The following OR10A2 variants were observed in gnomAD, a reference collection of about 807,000 sequenced individuals.
OR10A2 encodes olfactory receptor 10A2.
In OR10A2, 15 loss-of-function variants were observed where a neutral mutation model predicts 13.7. That is an observed-to-expected ratio of 1.10 (90% CI 0.73 to 1.69). The LOEUF (loss-of-function observed/expected upper bound fraction) is 1.69, where lower values mean the gene tolerates loss of function less well. OR10A2 is among the 40% of genes most tolerant of loss of function. The pLI is 0.00. For synonymous variants in OR10A2, 145 were observed against 144.7 expected, an observed-to-expected ratio of 1.00 and a Z score of -0.02; for missense variants, 343 against 361.1, an observed-to-expected ratio of 0.95 and a Z score of 0.41.
At position 6,871,931 on chromosome 11, in the gene OR10A2, G is replaced by T; in HGVS notation, c.*1265G>T. 1 of 152,062 alleles carries T rather than the reference G, an allele frequency of 6.6e-6. No individual in the cohort carries two copies. Among genetic ancestry groups the T allele is most frequent in the Admixed American group, 6.6e-5 (1 of 15,264 alleles). 9.4% of individuals were successfully genotyped at this position (152,062 alleles called of 1,614,324 possible). ...AAAAGTTAAATACATACATAATGTT[G>T]CTATATATATTGATTGTCTATCTAG... On this transcript the variant is annotated 3_prime_UTR_variant, in exon 2 of 2. Coordinates refer to ENST00000641461, the MANE Select transcript of OR10A2 (RefSeq NM_001004460.2).
At chr11:6,869,405 A>G (rs956777277) in intron 1 of OR10A2, among the ~76,000 whole-genome samples, 1 of 152,184 alleles carries the variant, frequency 6.6e-6, no homozygotes, top group Non-Finnish European at 1.5e-5. Flanking sequence ...TTCTCCCAAA[A>G]TGTATCCTTT....
In OR10A2 at chr11:6,870,176, C is replaced by T; in HGVS notation, c.422C>T (p.Pro141Leu). The change falls in exon 2 of 2, where the codon CCT becomes CTT. Residue 141 changes from proline to leucine, a missense_variant. Coordinates refer to ENST00000641461, the MANE Select transcript of OR10A2 (RefSeq NM_001004460.2). ...LAAASWFPGF[P>L]VATVQTTWLF... Reference sequence around the variant, plus strand: ...GCTGCCTCCTGGTTCCCAGGCTTTCCTGTAGCTACTGTGCAGACCACATGG... The same window carrying T: ...GCTGCCTCCTGGTTCCCAGGCTTTCTTGTAGCTACTGTGCAGACCACATGG... The T allele has an allele frequency of 5.0e-6, 8 of 1,614,244 alleles. No homozygotes were observed. Among genetic ancestry groups the T allele is most frequent in the Non-Finnish European group, 6.8e-6 (8 of 1,180,054 alleles).
At position 6,872,065 on chromosome 11, in the gene OR10A2, G is replaced by A. The variant is rs1195866504; in HGVS notation, c.*1399G>A. ...TTTCTCATGAAATATTTAGAATTTCGATTATTTAATATTTTATAAAAACTC... is the reference window on the plus strand; with the variant it reads ...TTTCTCATGAAATATTTAGAATTTCAATTATTTAATATTTTATAAAAACTC... On this transcript the variant is annotated 3_prime_UTR_variant, in exon 2 of 2. Transcript: ENST00000641461. The A allele has an allele frequency of 2.6e-5, 4 of 151,856 alleles. No homozygotes were observed. The highest frequency in any genetic ancestry group is 5.9e-5 in the Non-Finnish European group (4 of 68,000). 9.4% of individuals were successfully genotyped at this position (151,856 alleles called of 1,614,324 possible). A position where few individuals can be genotyped will look rare whatever the true frequency, so the allele number is the denominator to read the frequency against.
chr11:6,865,813 T>C lies in OR10A2; in HGVS notation c.-133+2462T>C, dbSNP rs116502556. On this transcript the variant is annotated intron_variant, in intron 1 of 1. Coordinates refer to ENST00000641461, the MANE Select transcript of OR10A2 (RefSeq NM_001004460.2). ...CATTTCTGTCAACAAAATCATGTAA[T>C]GATGAAAGTATTTGCAAACATCCAA... Among the ~76,000 whole-genome samples the C allele has an allele frequency of 6.0e-3, 912 of 152,322 alleles. 6 individuals carry two copies. Among genetic ancestry groups the C allele is most frequent in the African/African-American group, 0.021 (868 of 41,582 alleles).
chr11:6,870,305 T>A lies in OR10A2; in HGVS notation c.551T>A (p.Ile184Asn), dbSNP rs1430333393. 8.7e-6 allele frequency: 14 copies of A among 1,614,080 alleles called. No individual in the cohort carries two copies. The highest frequency in any genetic ancestry group is 1.2e-5 in the Non-Finnish European group (14 of 1,180,050). ...TGTGCAGACACAGCACTCTTTGAGA[T>A]CTACGCCATCGTCGGAACCATTCTG... The part of the protein sequence containing the change: ...LVCADTALFE[I>N]YAIVGTILVV... Residue 184 changes from isoleucine to asparagine, a missense_variant, in exon 2 of 2, where the codon ATC becomes AAC. Coordinates refer to ENST00000641461, the MANE Select transcript of OR10A2 (RefSeq NM_001004460.2).
At chr11:6,869,012 T>G (rs534880970) in intron 1 of OR10A2, among the ~76,000 whole-genome samples, 3 of 152,240 alleles carry the variant, frequency 2.0e-5, no homozygotes, top group South Asian at 2.1e-4. Context: ...AGATAAGGCA[T>G]GACAGTCCAA....
At chr11:6,864,178 C>A (rs1299856264) in intron 1 of OR10A2, among the ~76,000 whole-genome samples, 1 of 152,104 alleles carries the variant, frequency 6.6e-6, no homozygotes, top group Non-Finnish European at 1.5e-5. Flanking sequence ...TTTTCTTCCC[C>A]AGTAGTTTTC....
intron 1 of OR10A2, among the ~76,000 whole-genome samples, chr11:6,865,231 C>T (rs907472485): frequency 1.3e-4 from 20 of 148,552 alleles, no homozygotes; most frequent in African/African-American, 4.9e-4. Context: ...AATAATAAAT[C>T]CCCTCCTTTT....
intron 1 of OR10A2, among the ~76,000 whole-genome samples, chr11:6,869,261 ATAT>A (rs1235766342): frequency 6.6e-6 from 1 of 152,246 alleles, no homozygotes; most frequent in Non-Finnish European, 1.5e-5. Context: ...AGTAGAAAAC[ATAT>A]TATATGCATT....
intron 1 of OR10A2, among the ~76,000 whole-genome samples, chr11:6,866,688 T>C (rs1322725616): frequency 6.6e-6 from 1 of 152,188 alleles, no homozygotes; most frequent in Non-Finnish European, 1.5e-5. Context: ...TTGTGGTTTA[T>C]AGGGGGTATT....
At chr11:6,865,065 A>G (rs1848369520) in intron 1 of OR10A2, among the ~76,000 whole-genome samples, 1 of 145,368 alleles carries the variant, frequency 6.9e-6, no homozygotes, top group African/African-American at 2.5e-5. Context: ...TAAAATGAAT[A>G]TATATTTCTA....
At position 6,867,900 on chromosome 11, in the gene OR10A2, C is replaced by T. The variant is rs145784185; in HGVS notation, c.-132-1723C>T. Among the ~76,000 whole-genome samples, 5 of 152,252 alleles carry T rather than the reference C, an allele frequency of 3.3e-5. No individual in the cohort carries two copies. In the East Asian group the frequency reaches 9.7e-4, roughly 29 times the overall value. On this transcript the variant is annotated intron_variant, in intron 1 of 1. Coordinates refer to ENST00000641461, the MANE Select transcript of OR10A2 (RefSeq NM_001004460.2). The stretch of plus-strand genomic sequence containing the variant: ...GAGTAGCTAGGACAACAGGCATATG[C>T]CACCACAACTGGATATTTTCTCCAT...
Position 6,871,803 on chromosome 11 carries a change from A to C in OR10A2, c.*1137A>C, listed in dbSNP as rs1848438082. The C allele has an allele frequency of 6.6e-6, 1 of 152,204 alleles. No homozygotes were observed. Among genetic ancestry groups the C allele is most frequent in the Non-Finnish European group, 1.5e-5 (1 of 68,020 alleles). The allele number at this position is 152,204 out of a possible 1,614,324, so 9.4% of individuals were successfully genotyped here. On this transcript the variant is annotated 3_prime_UTR_variant, in exon 2 of 2. Transcript: ENST00000641461. ...TAATTTATTTAGCCAGTCTTTTACT[A>C]CTACAAATCATGCTGTAAATAATGG...
chr11:6,864,979 G>A (rs1848368479), intron 1 of OR10A2, among the ~76,000 whole-genome samples: 1 of 142,688 alleles, frequency 7.0e-6, no homozygotes, highest in African/African-American at 2.6e-5. Flanking sequence ...TATATATATT[G>A]TAAGATGAAC....
chr11:6,870,355 A>C lies in OR10A2; in HGVS notation c.601A>C (p.Ile201Leu). ...GGTGGTCATGATCCCCTGCTTGCTG[A>C]TCTTGTGTTCCTATACTCACATTGC... is the stretch of plus-strand genomic sequence containing the variant. ...ILVVMIPCLL[I>L]LCSYTHIAAA... The change falls in exon 2 of 2, where the codon ATC becomes CTC. Residue 201 changes from isoleucine (I) to leucine (L), a missense_variant. Transcript: ENST00000641461. 6.2e-7 allele frequency: 1 copy of C among 1,614,156 alleles called. No individual in the cohort carries two copies. Among genetic ancestry groups the C allele is most frequent in the Non-Finnish European group, 8.5e-7 (1 of 1,180,030 alleles).
intron 1 of OR10A2, among the ~76,000 whole-genome samples, chr11:6,864,173 T>C (rs1444729799): frequency 6.6e-6 from 1 of 152,172 alleles, no homozygotes; most frequent in Non-Finnish European, 1.5e-5. Context: ...CTAGCTTTTC[T>C]TCCCCAGTAG....
intron 1 of OR10A2, among the ~76,000 whole-genome samples, chr11:6,865,561 T>C (rs1285569649): frequency 1.3e-5 from 2 of 152,152 alleles, no homozygotes; most frequent in Non-Finnish European, 2.9e-5. Context: ...GATTCAATAA[T>C]TCTGACCCAC....
chr11:6,865,712 A>AT (rs1474881701), intron 1 of OR10A2, among the ~76,000 whole-genome samples: 3 of 85,282 alleles, frequency 3.5e-5, no homozygotes, highest in African/African-American at 5.2e-5. Context: ...TATTTAGCAG[A>AT]TTTAAAAAAA....
chr11:6,865,501 A>G (rs1349301816), intron 1 of OR10A2, among the ~76,000 whole-genome samples: 2 of 152,126 alleles, frequency 1.3e-5, no homozygotes, highest in Admixed American at 1.3e-4. Context: ...TATAACTATA[A>G]TAGTCAGCAC....
Sources: allele counts gnomAD v4.1 joint callset (sites outside exome capture counted in the v4.1 genomes callset), GRCh38; gene constraint gnomAD v4.1.1; transcripts MANE v1.5; gene names NCBI Gene and HGNC (gene_info 2026-07-23, HGNC 2026-07-21).